The following DPEP3 variants were observed in gnomAD, a reference collection of about 807,000 sequenced individuals.
DPEP3 encodes the protein dipeptidase 3.
DPEP3 carries 42 observed loss-of-function variants against 47.5 expected under a neutral mutation model. The observed-to-expected ratio is 0.88, with a 90% CI of 0.69 to 1.14. The LOEUF (loss-of-function observed/expected upper bound fraction) is 1.14, where lower values mean the gene tolerates loss of function less well. Among genes scored for constraint, DPEP3 ranks in the 50% most tolerant of loss-of-function variants. The pLI is 0.00. For missense variants in DPEP3, 560 were observed against 635.0 expected, an observed-to-expected ratio of 0.88 and a Z score of 1.27; for synonymous variants, 276 against 270.2, an observed-to-expected ratio of 1.02 and a Z score of -0.21.
Position 67,976,901 on chromosome 16 carries a change from A to G in DPEP3, c.1019-126T>C. ...GCTCATGGCCAGTCATGAGTCCTGAAGCGGGTACAGGCTGGTCACTGGACC... is the reference window on the plus strand; with the variant it reads ...GCTCATGGCCAGTCATGAGTCCTGAGGCGGGTACAGGCTGGTCACTGGACC... On this transcript the variant is annotated intron_variant, in intron 7 of 9. Transcript: ENST00000268793. 6 of 791,968 alleles carry G rather than the reference A, an allele frequency of 7.6e-6. No homozygotes were observed. In the South Asian group the frequency reaches 1.0e-4, roughly 13 times the overall value. The allele number at this position is 791,968 out of a possible 1,614,324, so 49.1% of individuals were successfully genotyped here. A position where few individuals can be genotyped will look rare whatever the true frequency, so the allele number is the denominator to read the frequency against.
rs776224156 is a variant in DPEP3, at chr16:67,977,680, A to G, written c.906T>C (p.Asn302=). 5 of 1,612,476 alleles carry G rather than the reference A, an allele frequency of 3.1e-6. No homozygotes were observed. The East Asian group carries it at 1.1e-4, about 36-fold the overall frequency. Residue 302 remains asparagine, a synonymous_variant, in exon 6 of 10, where the codon AAT becomes AAC. Transcript: ENST00000268793. ...GAAGCTGCAGGATATCATCGGGAACATTCAACAAATTGTCACACACAGCTC... is the reference window on the plus strand; with the variant it reads ...GAAGCTGCAGGATATCATCGGGAACGTTCAACAAATTGTCACACACAGCTC... ...AARAVCDNLL[N]VPDDILQLLK... is the part of the protein sequence containing the mutation.
rs1361537299 is a variant in DPEP3, at chr16:67,978,674, C to T, written c.415-48G>A. 1.6e-5 allele frequency: 26 copies of T among 1,601,448 alleles called. No individual in the cohort carries two copies. Among genetic ancestry groups the T allele is most frequent in the Non-Finnish European group, 2.0e-5 (23 of 1,172,936 alleles). Reference sequence around the variant, plus strand: ...AGAATGAGGCCAGGGCGGTCTTCAACCCCCTAGGCCTGCCACTCCTGCCTC... The same window carrying T: ...AGAATGAGGCCAGGGCGGTCTTCAATCCCCTAGGCCTGCCACTCCTGCCTC... On this transcript the variant is annotated intron_variant, in intron 2 of 9. Coordinates refer to ENST00000268793, the MANE Select transcript of DPEP3 (RefSeq NM_001370198.1). The surrounding 1 kb of genome is among the most constrained non-coding windows in gnomAD (Gnocchi z 4.4).
chr16:67,979,156 T>C (rs1250759109), intron 2 of DPEP3, among the ~76,000 whole-genome samples: 1 of 152,038 alleles, frequency 6.6e-6, no homozygotes, highest in African/African-American at 2.4e-5. Flanking sequence ...ACTACAAAAA[T>C]TAGCAGGGCG....
rs142825117 is a variant in DPEP3, at chr16:67,980,115, C to T, written c.266G>A (p.Arg89Gln). The T allele has an allele frequency of 7.8e-5, 126 of 1,611,928 alleles. 1 individual carries two copies. The highest frequency in any genetic ancestry group is 1.0e-4 in the Non-Finnish European group (119 of 1,179,182). ...DLRGRAQALM[R>Q]SFPLVDGHND... ...ATACCCGTCCACGAGTGGGAAACTC[C>T]GCATCAGGGCCTGCGCGCGACCCCG... Residue 89 changes from arginine to glutamine, a missense_variant, in exon 1 of 10, where the codon CGG becomes CAG. Arg to Gln is a conservative substitution (Grantham distance 43). Coordinates refer to ENST00000268793, the MANE Select transcript of DPEP3 (RefSeq NM_001370198.1).
rs1163545361 is a variant in DPEP3 at position 67,978,329 on chromosome 16, C to T, written c.624G>A (p.Leu208=). The T allele has an allele frequency of 1.2e-6, 2 of 1,614,164 alleles. No individual in the cohort carries two copies. Among genetic ancestry groups the T allele is most frequent in the South Asian group, 2.2e-5 (2 of 91,086 alleles). The change falls in exon 4 of 10, where the codon CTG becomes CTA. Residue 208 remains leucine, a synonymous_variant. Transcript: ENST00000268793. This position sits in a 1 kb window ranked among gnomAD's most constrained non-coding sequence, Gnocchi z 4.4. Reference sequence around the variant, plus strand: ...GCACCCCCAGCACATAGAAACTGCGCAGCACAGAGAGGCTGCTGTCCAGTG... The same window carrying T: ...GCACCCCCAGCACATAGAAACTGCGTAGCACAGAGAGGCTGCTGTCCAGTG... ...GHSLDSSLSV[L]RSFYVLGVRY...
In DPEP3 at chr16:67,977,817, C is replaced by G; in HGVS notation, c.769G>C (p.Glu257Gln). 6.2e-7 allele frequency: 1 copy of G among 1,613,934 alleles called. No individual in the cohort carries two copies. The highest frequency in any genetic ancestry group is 8.5e-7 in the Non-Finnish European group (1 of 1,179,848). The change falls in exon 6 of 10, where the codon GAG becomes CAG. Residue 257 changes from glutamate to glutamine, a missense_variant. Physicochemically the swap from Glu to Gln is conservative, Grantham distance 29 (BLOSUM62 2). Coordinates refer to ENST00000268793, the MANE Select transcript of DPEP3 (RefSeq NM_001370198.1). ...LTSFGEKVVE[E>Q]LNRLGMMIDL... ...ATCATCATGCCCAGGCGGTTCAACT[C>G]CTCTACTACTTTCTGCAGAAACAAT... is the stretch of plus-strand genomic sequence containing the variant.
chr16:67,978,526 GAGT>G lies in DPEP3; in HGVS notation c.512_514del (p.Tyr171del), dbSNP rs763009710. ...AGCTGAGGTCACAAGCTCGAGTTCA[GAGT>G]AGGAGGCACACATGCGGTGAATGAG... On this transcript the variant is annotated inframe_deletion, in exon 3 of 10. Coordinates refer to ENST00000268793, the MANE Select transcript of DPEP3 (RefSeq NM_001370198.1). The surrounding 1 kb of genome is among the most constrained non-coding windows in gnomAD (Gnocchi z 4.4). 3 of 1,614,132 alleles carry G rather than the reference GAGT, an allele frequency of 1.9e-6. No individual in the cohort carries two copies. The South Asian group carries it at 3.3e-5, about 18-fold the overall frequency.
At chr16:67,979,601 G>A (rs1320057495) in intron 2 of DPEP3, 38 bp downstream of exon 2, 5 of 1,609,642 alleles carry the variant, frequency 3.1e-6, no homozygotes, top group Non-Finnish European at 4.2e-6. Flanking sequence ...ACATCCCCCA[G>A]CAGCCATGCT....
chr16:67,980,292 CGCAGCAGCA>C lies in DPEP3; in HGVS notation c.80_88del (p.Leu27_Leu29del). ...GGTCTCCGCGCGGGTTACGGGCTGC[CGCAGCAGCA>C]GCAGCAGTAGCAGGAGCAGCAGACG... On this transcript the variant is annotated inframe_deletion, in exon 1 of 10. Transcript: ENST00000268793. 6.4e-7 allele frequency: 1 copy of C among 1,574,626 alleles called. No homozygotes were observed. The highest frequency in any genetic ancestry group is 8.6e-7 in the Non-Finnish European group (1 of 1,161,962).
At position 67,977,978 on chromosome 16, in the gene DPEP3, T is replaced by C. The variant is rs769275176; in HGVS notation, c.716A>G (p.His239Arg). ...WAESSTKFRH[H>R]MYTNVSGLTS... The stretch of plus-strand genomic sequence containing the variant: ...CAATCCGCTGACGTTGGTGTACATG[T>C]GGTGTCTGAACTTGGTGGAACTCTC... The change falls in exon 5 of 10, where the codon CAC (histidine) becomes CGC (arginine). Residue 239 changes from histidine (H) to arginine (R), a missense_variant. By Grantham distance (29) the His-to-Arg change is conservative (BLOSUM62 0). Transcript: ENST00000268793. The C allele has an allele frequency of 6.2e-7, 1 of 1,613,946 alleles. No homozygotes were observed. Among genetic ancestry groups the C allele is most frequent in the Non-Finnish European group, 8.5e-7 (1 of 1,179,894 alleles).
intron 2 of DPEP3, 110 bp downstream of exon 2, chr16:67,979,529 A>G (rs2031274853): frequency 6.7e-7 from 1 of 1,490,094 alleles, no homozygotes; most frequent in Non-Finnish European, 9.0e-7. Context: ...ATGATGGCAC[A>G]CTGCATGCCC....
At chr16:67,979,493 A>C in intron 2 of DPEP3, 146 bp downstream of exon 2, 2 of 1,280,730 alleles carry the variant, frequency 1.6e-6, no homozygotes, top group Non-Finnish European at 2.1e-6. Context: ...CTTGGCCTCC[A>C]AGGCCCCACT....
Position 67,976,791 on chromosome 16 carries a change from G to A in DPEP3, c.1019-16C>T, listed in dbSNP as rs774497276. The A allele has an allele frequency of 1.2e-5, 20 of 1,612,390 alleles. 1 individual carries two copies. The South Asian group carries it at 2.1e-4, about 17-fold the overall frequency. ...TCAAAGTGATCTAGGGTGGAGGTGA[G>A]GGTGGGCAGCACTAGGCTAGTTAGA... On this transcript the variant is annotated splice_polypyrimidine_tract_variant and intron_variant, in intron 7 of 9. Coordinates refer to ENST00000268793, the MANE Select transcript of DPEP3 (RefSeq NM_001370198.1).
chr16:67,975,687 A>C lies in DPEP3; in HGVS notation c.*78T>G. 3.8e-6 allele frequency: 5 copies of C among 1,328,384 alleles called. No individual in the cohort carries two copies. Among genetic ancestry groups the C allele is most frequent in the Non-Finnish European group, 5.2e-6 (5 of 954,984 alleles). 82.3% of individuals were successfully genotyped at this position (1,328,384 alleles called of 1,614,324 possible). ...CTCCATGTGTAACATGTTTATTCTCAGCATATGCTTGTGAATGAACTAGGA... is the reference window on the plus strand; with the variant it reads ...CTCCATGTGTAACATGTTTATTCTCCGCATATGCTTGTGAATGAACTAGGA... On this transcript the variant is annotated 3_prime_UTR_variant, in exon 10 of 10. Transcript: ENST00000268793.
In DPEP3 at chr16:67,978,393, T is replaced by G. The variant is rs753504139; in HGVS notation, c.560A>C (p.Gln187Pro). 6.2e-7 allele frequency: 1 copy of G among 1,614,020 alleles called. No individual in the cohort carries two copies. Residue 187 changes from glutamine to proline, a missense_variant, in exon 4 of 10, where the codon CAA (glutamine) becomes CCA (proline). Coordinates refer to ENST00000268793, the MANE Select transcript of DPEP3 (RefSeq NM_001370198.1). The surrounding 1 kb of genome is among the most constrained non-coding windows in gnomAD (Gnocchi z 4.4). Reference sequence around the variant, plus strand: ...CACGCCAATGAGGCAGGCCAGCTTTTGAGAGCTGTTCAGACCTAGAAGGAG... The same window carrying G: ...CACGCCAATGAGGCAGGCCAGCTTTGGAGAGCTGTTCAGACCTAGAAGGAG... ...VTSAEGLNSS[Q>P]KLACLIGVEG... is the part of the protein sequence containing the mutation.
Position 67,978,359 on chromosome 16 carries a change from A to C in DPEP3, c.594T>G (p.Gly198=), listed in dbSNP as rs1270882411. The C allele has an allele frequency of 6.2e-7, 1 of 1,613,902 alleles. No individual in the cohort carries two copies. Among genetic ancestry groups the C allele is most frequent in the African/African-American group, 1.3e-5 (1 of 74,912 alleles). The change falls in exon 4 of 10, where the codon GGT becomes GGG. Residue 198 remains glycine (G), a synonymous_variant. Transcript: ENST00000268793. This position sits in a 1 kb window ranked among gnomAD's most constrained non-coding sequence, Gnocchi z 4.4. ...CAGAGAGGCTGCTGTCCAGTGAGTG[A>C]CCACCCTCCACGCCAATGAGGCAGG... is the stretch of plus-strand genomic sequence containing the variant. ...KLACLIGVEG[G]HSLDSSLSVL...
intron 8 of DPEP3, 54 bp from the exon 9 acceptor site, chr16:67,976,282 G>C: frequency 6.2e-7 from 1 of 1,604,526 alleles, no homozygotes; most frequent in Non-Finnish European, 8.5e-7. Context: ...TCCTGGGTTG[G>C]GGCCCGCTGC....
Position 67,978,091 on chromosome 16 carries a change from C to T in DPEP3, c.687-84G>A, listed in dbSNP as rs533953412. On this transcript the variant is annotated intron_variant, in intron 4 of 9. Transcript: ENST00000268793. This position sits in a 1 kb window ranked among gnomAD's most constrained non-coding sequence, Gnocchi z 4.4. ...GGGGGCCCTGGCTCTATCCATCCAT[C>T]CTGCTTCCAGAACAGGTGCAGAACC... is the stretch of plus-strand genomic sequence containing the variant. The T allele has an allele frequency of 4.9e-4, 774 of 1,588,308 alleles. 1 individual carries two copies. Among genetic ancestry groups the T allele is most frequent in the Middle Eastern group, 8.6e-4 (5 of 5,800 alleles).
chr16:67,977,432 G>T, intron 6 of DPEP3, 78 bp from the exon 7 acceptor site: 2 of 1,447,922 alleles, frequency 1.4e-6, no homozygotes, highest in Non-Finnish European at 9.6e-7. Flanking sequence ...GCCCTGGTAG[G>T]ACTGTGCTCC....
Sources: allele counts gnomAD v4.1 joint callset (sites outside exome capture counted in the v4.1 genomes callset), GRCh38; gene constraint gnomAD v4.1.1; non-coding constraint Gnocchi (gnomAD v3.1); transcripts MANE v1.5; gene names NCBI Gene and HGNC (gene_info 2026-07-23, HGNC 2026-07-21).